Variants in PLBD2 observed in about 807,000 individuals in gnomAD.
PLBD2 encodes the protein phospholipase B domain containing 2.
Under a neutral mutation model 68.3 loss-of-function variants are expected in PLBD2, and 51 were observed. The observed-to-expected ratio is 0.75, with a 90% CI of 0.60 to 0.94. The LOEUF (loss-of-function observed/expected upper bound fraction) is 0.94, where lower values mean the gene tolerates loss of function less well. PLBD2 is among the 40% of genes least tolerant of loss of function. The pLI, the probability that PLBD2 is intolerant of heterozygous loss-of-function variation, is 0.00. For missense variants in PLBD2, 729 were observed against 792.2 expected (o/e 0.92, Z 0.96); for synonymous variants, 314 against 339.3 (o/e 0.93, Z 0.82).
intron 10 of PLBD2, 50 bp downstream of exon 10, chr12:113,387,139 C>A: frequency 6.6e-7 from 1 of 1,512,718 alleles, no homozygotes; most frequent in South Asian, 1.3e-5. Context: ...CGCAGGAACA[C>A]AGAACTTCCT....
intron 3 of PLBD2, among the ~76,000 whole-genome samples, chr12:113,374,176 C>G (rs1340478929): frequency 6.6e-6 from 1 of 152,148 alleles, no homozygotes; most frequent in Non-Finnish European, 1.5e-5. Context: ...GGCAAGAGGC[C>G]AGGCCAGGCT....
chr12:113,371,796 C>T (rs1028881707), intron 2 of PLBD2, among the ~76,000 whole-genome samples: 9 of 152,236 alleles, frequency 5.9e-5, no homozygotes, highest in Non-Finnish European at 1.0e-4. Flanking sequence ...GGTCAGCCAG[C>T]CAGTCCACAG....
chr12:113,387,693 T>G, intron 10 of PLBD2, 51 bp from the exon 11 acceptor site: 1 of 1,588,678 alleles, frequency 6.3e-7, no homozygotes, highest in Non-Finnish European at 8.6e-7. Flanking sequence ...GGCCCCCGTC[T>G]TAGCCTCTCC....
At position 113,387,011 on chromosome 12, in the gene PLBD2, A is replaced by C; in HGVS notation, c.1361A>C (p.Asp454Ala). Residue 454 changes from aspartate (D) to alanine (A), a missense_variant, in exon 10 of 12, where the codon GAC becomes GCC. Coordinates refer to ENST00000280800, the MANE Select transcript of PLBD2 (RefSeq NM_173542.4). ...CAGTATGGGGACTGGTTTTCTTATG[A>C]CGGGAGCCCCCGGGCCCAGATCTTC... ...VAQYGDWFSY[D>A]GSPRAQIFRR... The C allele has an allele frequency of 6.2e-7, 1 of 1,612,172 alleles. No individual in the cohort carries two copies. Among genetic ancestry groups the C allele is most frequent in the Non-Finnish European group, 8.5e-7 (1 of 1,179,268 alleles).
At chr12:113,366,202 G>A (rs548644038) in intron 1 of PLBD2, among the ~76,000 whole-genome samples, 1 of 152,178 alleles carries the variant, frequency 6.6e-6, no homozygotes, top group African/African-American at 2.4e-5. Context: ...AACTTCCCAC[G>A]AGACAGCCCT....
intron 9 of PLBD2, among the ~76,000 whole-genome samples, chr12:113,385,516 CTCAGGGACTGGCCCCTGCCAGGG>C (rs1565865187): frequency 6.6e-6 from 1 of 152,212 alleles, no homozygotes; most frequent in Non-Finnish European, 1.5e-5. Flanking sequence ...GGTGGCCAGG[CTCAGGGACTGGCCCCTGCCAGGG>C]TCTCTGACTG....
At chr12:113,369,017 A>G (rs1245402796) in intron 1 of PLBD2, 99 bp from the exon 2 acceptor site, 3 of 735,524 alleles carry the variant, frequency 4.1e-6, no homozygotes, top group East Asian at 2.8e-5. Context: ...GTGCACGTCT[A>G]CTGACCACTG....
chr12:113,358,921 A>G (rs1957261631), intron 1 of PLBD2, 31 bp downstream of exon 1: 11 of 1,490,128 alleles, frequency 7.4e-6, no homozygotes, highest in Non-Finnish European at 9.8e-6. Flanking sequence ...ACGCGGGGCC[A>G]TCGGGGGAGG....
intron 1 of PLBD2, among the ~76,000 whole-genome samples, chr12:113,364,835 G>A (rs976444571): frequency 6.6e-6 from 1 of 152,046 alleles, no homozygotes; most frequent in Non-Finnish European, 1.5e-5. Context: ...TGCCACAGCA[G>A]TCCTCTGAAG....
intron 1 of PLBD2, among the ~76,000 whole-genome samples, chr12:113,364,748 C>T (rs897799960): frequency 1.3e-5 from 2 of 152,184 alleles, no homozygotes; most frequent in African/African-American, 4.8e-5. Flanking sequence ...AGGCATGAGC[C>T]ACTGCGCCAT....
intron 3 of PLBD2, among the ~76,000 whole-genome samples, chr12:113,374,235 G>A (rs748620285): frequency 6.6e-6 from 1 of 152,146 alleles, no homozygotes; most frequent in Non-Finnish European, 1.5e-5. Flanking sequence ...CTTAAGTGGG[G>A]CTGATTTGGG....
intron 6 of PLBD2, among the ~76,000 whole-genome samples, chr12:113,381,245 G>A (rs1169874324): frequency 3.2e-5 from 4 of 125,128 alleles, no homozygotes; most frequent in African/African-American, 6.0e-5. Flanking sequence ...CTGTGCCCCC[G>A]CCCCCCCCAC....
At chr12:113,385,539 GTC>G (rs934742129) in intron 9 of PLBD2, among the ~76,000 whole-genome samples, 2 of 152,168 alleles carry the variant, frequency 1.3e-5, no homozygotes, top group African/African-American at 4.8e-5. Flanking sequence ...CCCTGCCAGG[GTC>G]TCTGACTGGA....
chr12:113,384,221 T>A lies in PLBD2; in HGVS notation c.1074T>A (p.Asp358Glu). Reference protein sequence around the residue: ...RNIVANRLASDGATWADIFKR... With the variant: ...RNIVANRLASEGATWADIFKR... ...TCGTGGCCAACCGCCTGGCCTCGGA[T>A]GGGGCCACCTGGGCAGACATCTTCA... is the stretch of plus-strand genomic sequence containing the variant. The change falls in exon 7 of 12, where the codon GAT becomes GAA. Residue 358 changes from aspartate (D) to glutamate (E), a missense_variant. Coordinates refer to ENST00000280800, the MANE Select transcript of PLBD2 (RefSeq NM_173542.4). The surrounding 1 kb of genome is among the most constrained non-coding windows in gnomAD (Gnocchi z 4.2). 1 of 1,613,816 alleles carries A rather than the reference T, an allele frequency of 6.2e-7. No homozygotes were observed. The highest frequency in any genetic ancestry group is 8.5e-7 in the Non-Finnish European group (1 of 1,179,914).
chr12:113,385,016 G>T, intron 8 of PLBD2, 70 bp downstream of exon 8: 2 of 1,460,766 alleles, frequency 1.4e-6, no homozygotes, highest in Admixed American at 1.9e-5. Context: ...GCCCAGAGCC[G>T]TGCTGGCGCT....
At chr12:113,375,746 G>A (rs2136912882) in intron 5 of PLBD2, among the ~76,000 whole-genome samples, 1 of 152,310 alleles carries the variant, frequency 6.6e-6, no homozygotes, top group South Asian at 2.1e-4. Flanking sequence ...GGGGACAGCT[G>A]GGCTACGTGG....
chr12:113,387,786 C>A lies in PLBD2; in HGVS notation c.1482C>A (p.Ala494=). ...FLHDPLSLCK[A]CNPQPNGENA... Reference sequence around the variant, plus strand: ...ATGACCCTCTGTCACTGTGCAAAGCCTGCAACCCCCAGCCCAATGGGGAGA... The same window carrying A: ...ATGACCCTCTGTCACTGTGCAAAGCATGCAACCCCCAGCCCAATGGGGAGA... The change falls in exon 11 of 12, where the codon GCC becomes GCA. Residue 494 remains alanine, a synonymous_variant. Transcript: ENST00000280800. 6.2e-7 allele frequency: 1 copy of A among 1,614,202 alleles called. No homozygotes were observed. The highest frequency in any genetic ancestry group is 1.6e-4 in the Middle Eastern group (1 of 6,062).
rs1593293303 is a variant in PLBD2, at chr12:113,387,749, A to G, written c.1445A>G (p.Asn482Ser). ...CCCTCCTTTTCCCCATCCAGGTACA[A>G]TGACTTCCTCCATGACCCTCTGTCA... ...MDSMVRLMRYNDFLHDPLSLC... is the reference protein window; with the variant it reads ...MDSMVRLMRYSDFLHDPLSLC... The change falls in exon 11 of 12, where the codon AAT becomes AGT. Residue 482 changes from asparagine to serine, a missense_variant. Physicochemically the swap from Asn to Ser is conservative, Grantham distance 46. Transcript: ENST00000280800. 6.2e-7 allele frequency: 1 copy of G among 1,613,680 alleles called. No individual in the cohort carries two copies. Among genetic ancestry groups the G allele is most frequent in the Non-Finnish European group, 8.5e-7 (1 of 1,179,652 alleles).
intron 6 of PLBD2, among the ~76,000 whole-genome samples, chr12:113,382,642 C>T (rs913778131): frequency 2.0e-5 from 3 of 151,912 alleles, no homozygotes; most frequent in African/African-American, 7.3e-5. Context: ...CAGGTTTTGC[C>T]ATGTTACCCA....
Sources: allele counts gnomAD v4.1 joint callset (sites outside exome capture counted in the v4.1 genomes callset), GRCh38; gene constraint gnomAD v4.1.1; non-coding constraint Gnocchi (gnomAD v3.1); transcripts MANE v1.5; gene names NCBI Gene and HGNC (gene_info 2026-07-23, HGNC 2026-07-21).